The following CNTNAP5 variants were observed in gnomAD, a reference collection of about 807,000 sequenced individuals.
CNTNAP5 encodes contactin-associated protein-like 5.
CNTNAP5 carries 72 observed loss-of-function variants against 150.2 expected under a neutral mutation model. The ratio of observed to expected loss-of-function variants is 0.48; its 90% CI spans 0.40 to 0.58. CNTNAP5 has a LOEUF of 0.58. CNTNAP5 is among the 20% of genes least tolerant of loss of function. The probability of loss-of-function intolerance (pLI) is 0.00; values close to 1 mark genes in which losing one functional copy is unlikely to be tolerated. For synonymous variants in CNTNAP5, 672 were observed against 619.8 expected (o/e 1.08, Z -1.25); for missense variants, 1,636 against 1,626.2 (o/e 1.01, Z -0.10).
intron 13 of CNTNAP5, among the ~76,000 whole-genome samples, chr2:124,743,027 G>C (rs1465755382): frequency 6.6e-6 from 1 of 152,174 alleles, no homozygotes; most frequent in East Asian, 1.9e-4. Flanking sequence ...CTCTACCGCG[G>C]AGAGATATAT....
At chr2:124,817,433 C>T (rs1682388354) in intron 19 of CNTNAP5, among the ~76,000 whole-genome samples, 1 of 150,206 alleles carries the variant, frequency 6.7e-6, no homozygotes, top group Admixed American at 6.6e-5. Context: ...ACACAACACA[C>T]AAAAAAAAAC....
chr2:124,235,935 TCCCA>T (rs201865742), intron 2 of CNTNAP5, among the ~76,000 whole-genome samples: 3,368 of 144,390 alleles, frequency 0.023, 127 homozygotes, highest in African/African-American at 0.081. Context: ...GTTGGCAAGT[TCCCA>T]CTTATTTATT....
At chr2:124,608,288 A>G (rs115800412) in intron 11 of CNTNAP5, among the ~76,000 whole-genome samples, 2,213 of 152,328 alleles carry the variant, frequency 0.015, 26 homozygotes, top group Non-Finnish European at 0.021. Flanking sequence ...GAAGCATCAG[A>G]CAACATTCTA....
chr2:124,260,259 A>T (rs190259471), intron 3 of CNTNAP5, among the ~76,000 whole-genome samples: 1 of 152,334 alleles, frequency 6.6e-6, no homozygotes, highest in East Asian at 1.9e-4. Flanking sequence ...AAGAACTAGA[A>T]ATGGGGAAAG....
intron 21 of CNTNAP5, among the ~76,000 whole-genome samples, chr2:124,880,778 TATAA>T: frequency 6.6e-6 from 1 of 152,258 alleles, no homozygotes; most frequent in East Asian, 1.9e-4. Context: ...TTAATTAGGA[TATAA>T]ATAGTTTTGA....
chr2:124,248,572 C>G (rs1687087044), intron 3 of CNTNAP5, among the ~76,000 whole-genome samples: 1 of 152,242 alleles, frequency 6.6e-6, no homozygotes, highest in Non-Finnish European at 1.5e-5. Flanking sequence ...TCAGCAGGCT[C>G]CCTCCAGCCC....
chr2:124,263,569 C>T (rs1326299804), intron 3 of CNTNAP5, among the ~76,000 whole-genome samples: 1 of 152,098 alleles, frequency 6.6e-6, no homozygotes, highest in African/African-American at 2.4e-5. Flanking sequence ...GATGAGTAGA[C>T]TGCAAAAATT....
chr2:124,219,482 G>C (rs1686246715), intron 1 of CNTNAP5, among the ~76,000 whole-genome samples: 1 of 152,104 alleles, frequency 6.6e-6, no homozygotes, highest in African/African-American at 2.4e-5. Context: ...TTAAGTAGTG[G>C]AGAGAGTGTT....
rs1679865904 is a variant in CNTNAP5 at position 124,713,310 on chromosome 2, CTTTCTTTCCTTTCTTTCTTTCTT to C, written c.2078-33917_2078-33895del. On this transcript the variant is annotated intron_variant, in intron 13 of 23. Transcript: ENST00000682447. Reference sequence around the variant, plus strand: ...CTTTCTTTCTTTCTTTCTTCTTTCTCTTTCTTTCCTTTCTTTCTTTCTTTCTTTCTTTCTTTCTTTCTTTCTTT... The same window carrying C: ...CTTTCTTTCTTTCTTTCTTCTTTCTCTCTTTCTTTCTTTCTTTCTTTCTTT... 9.2e-4 allele frequency among the ~76,000 whole-genome samples: 67 copies of C among 72,840 alleles called. 3 individuals are homozygous for C. Among genetic ancestry groups the C allele is most frequent in the Admixed American group, 2.3e-3 (14 of 6,118 alleles). 47.8% of individuals were successfully genotyped at this position (72,840 alleles called of 152,430 possible). A position where few individuals can be genotyped will look rare whatever the true frequency, so the allele number is the denominator to read the frequency against.
intron 19 of CNTNAP5, among the ~76,000 whole-genome samples, chr2:124,854,377 C>A (rs1677301178): frequency 6.6e-6 from 1 of 152,156 alleles, no homozygotes; most frequent in Non-Finnish European, 1.5e-5. Context: ...TACAGTTTTA[C>A]TTGTGGAGTT....
chr2:124,111,917 C>A (rs1475207869), intron 1 of CNTNAP5, among the ~76,000 whole-genome samples: 1 of 152,158 alleles, frequency 6.6e-6, no homozygotes, highest in African/African-American at 2.4e-5. Flanking sequence ...GGTACTGGTC[C>A]AGTCTTTCTC....
At chr2:124,335,311 CAA>C (rs771104900) in intron 3 of CNTNAP5, among the ~76,000 whole-genome samples, 2 of 151,882 alleles carry the variant, frequency 1.3e-5, no homozygotes, top group Non-Finnish European at 1.5e-5. Context: ...TACATTCAGA[CAA>C]AGAGAGTGCT....
At chr2:124,891,111 C>T (rs1840201) in intron 21 of CNTNAP5, among the ~76,000 whole-genome samples, 16,627 of 152,056 alleles carry the variant, frequency 0.11, 1,205 homozygotes, top group Non-Finnish European at 0.16. Context: ...GAAAGTTAGG[C>T]GGATCCTACT....
At chr2:124,497,896 A>C (rs1694189728) in intron 7 of CNTNAP5, among the ~76,000 whole-genome samples, 5 of 152,208 alleles carry the variant, frequency 3.3e-5, no homozygotes, top group Non-Finnish European at 7.3e-5. Context: ...TGTAACAGAT[A>C]AGTGTAAATT....
chr2:124,147,189 T>C (rs1684274791), intron 1 of CNTNAP5, among the ~76,000 whole-genome samples: 1 of 152,172 alleles, frequency 6.6e-6, no homozygotes, highest in African/African-American at 2.4e-5. Context: ...AATAAAGTCT[T>C]GAAGGAGATG....
chr2:124,277,014 G>A (rs967169131), intron 3 of CNTNAP5, among the ~76,000 whole-genome samples: 1 of 152,178 alleles, frequency 6.6e-6, no homozygotes, highest in Admixed American at 6.5e-5. Context: ...TTAGATGGGG[G>A]AGGTGAATTT....
intron 19 of CNTNAP5, among the ~76,000 whole-genome samples, chr2:124,851,122 T>C (rs1456121325): frequency 6.6e-6 from 1 of 152,158 alleles, no homozygotes; most frequent in African/African-American, 2.4e-5. Flanking sequence ...TCCAACACTT[T>C]GGGAGGCCGA....
chr2:124,537,004 G>A (rs559265568), intron 10 of CNTNAP5, among the ~76,000 whole-genome samples: 2 of 152,134 alleles, frequency 1.3e-5, no homozygotes, highest in South Asian at 4.2e-4. Context: ...GTGGGCCAGG[G>A]CAGTGTGACA....
intron 17 of CNTNAP5, among the ~76,000 whole-genome samples, chr2:124,785,094 T>A (rs139887441): frequency 2.0e-4 from 29 of 147,808 alleles, no homozygotes; most frequent in African/African-American, 6.9e-4. Flanking sequence ...CCCTTAAGCA[T>A]CTCTAAGTAA....
Sources: gnomAD v4.1 joint callset for allele counts (sites outside exome capture counted in the v4.1 genomes callset) on GRCh38, gnomAD v4.1.1 for gene constraint, MANE v1.5 for transcripts, NCBI Gene and HGNC (gene_info 2026-07-23, HGNC 2026-07-21) for gene names.